The following PCDHGB7 variants were observed in gnomAD, a reference collection of about 807,000 sequenced individuals.
The protein encoded by PCDHGB7 is protocadherin gamma-B7.
PCDHGB7 carries 37 observed loss-of-function variants against 61.4 expected under a neutral mutation model. The observed-to-expected ratio is 0.60, with a 90% CI of 0.46 to 0.79. PCDHGB7 has a LOEUF of 0.79. Among genes scored for constraint, PCDHGB7 ranks in the 30% least tolerant of loss-of-function variants. The pLI is 0.00. For synonymous variants in PCDHGB7, 464 were observed against 503.5 expected (o/e 0.92, Z 1.05); for missense variants, 1,166 against 1,202.5 (o/e 0.97, Z 0.45).
intron 1 of PCDHGB7, among the ~76,000 whole-genome samples, chr5:141,458,063 G>A (rs1011861177): frequency 1.3e-5 from 2 of 152,190 alleles, no homozygotes; most frequent in African/African-American, 4.8e-5. Context: ...CTGCACTGAT[G>A]CGAACAACTA....
At chr5:141,438,548 C>T (rs1423036586) in intron 1 of PCDHGB7, among the ~76,000 whole-genome samples, 2 of 135,792 alleles carry the variant, frequency 1.5e-5, no homozygotes, top group Non-Finnish European at 3.1e-5. Context: ...ATATCTAAGC[C>T]CTAATAAGAG....
At chr5:141,435,510 T>C (rs72790047) in intron 1 of PCDHGB7, among the ~76,000 whole-genome samples, 9,714 of 152,280 alleles carry the variant, frequency 0.064, 363 homozygotes, top group African/African-American at 0.099. Context: ...ATGATACTAA[T>C]GATGACTTTG....
chr5:141,456,312 GCTC>G (rs2098849548), intron 1 of PCDHGB7, among the ~76,000 whole-genome samples: 1 of 152,126 alleles, frequency 6.6e-6, no homozygotes, highest in Admixed American at 6.6e-5. Context: ...AGCAGCTAGG[GCTC>G]CTCCTGGGGT....
chr5:141,474,135 G>C (rs1032470573), intron 1 of PCDHGB7, among the ~76,000 whole-genome samples: 2 of 152,062 alleles, frequency 1.3e-5, no homozygotes, highest in Admixed American at 1.3e-4. Context: ...GAAAACTACA[G>C]GCCTTATTAT....
At position 141,485,348 on chromosome 5, in the gene PCDHGB7, C is replaced by A; in HGVS notation, c.2416-9459C>A. ...AGATTTCCTGCTGGATACGGACAGT[C>A]TGTCAGCTCGCAGGCTGCAGGTCGC... On this transcript the variant is annotated intron_variant, in intron 1 of 3. Coordinates refer to ENST00000398594, the MANE Select transcript of PCDHGB7 (RefSeq NM_018927.4). This position sits in a 1 kb window ranked among gnomAD's most constrained non-coding sequence, Gnocchi z 5.7. 6.2e-7 allele frequency: 1 copy of A among 1,614,146 alleles called. No individual in the cohort carries two copies. Among genetic ancestry groups the A allele is most frequent in the Non-Finnish European group, 8.5e-7 (1 of 1,180,008 alleles).
At chr5:141,509,908 G>A (rs376035312) in intron 3 of PCDHGB7, among the ~76,000 whole-genome samples, 1 of 152,164 alleles carries the variant, frequency 6.6e-6, no homozygotes, top group African/African-American at 2.4e-5. Flanking sequence ...TCCAGCATGC[G>A]CTTAGGTACA....
At chr5:141,481,913 CA>C (rs34114744) in intron 1 of PCDHGB7, among the ~76,000 whole-genome samples, 39,195 of 90,872 alleles carry the variant, frequency 0.43, 5,902 homozygotes, top group Admixed American at 0.51. Flanking sequence ...AACTCCATCT[CA>C]AAAAAAAAAA....
chr5:141,502,282 C>A (rs187281689), intron 2 of PCDHGB7, among the ~76,000 whole-genome samples: 1 of 151,848 alleles, frequency 6.6e-6, no homozygotes, highest in Non-Finnish European at 1.5e-5. Flanking sequence ...GCATAGATTG[C>A]ATTTGGTTGT....
At chr5:141,421,508 A>G (rs780491148) in intron 1 of PCDHGB7, 1 of 1,614,046 alleles carries the variant, frequency 6.2e-7, no homozygotes, top group Non-Finnish European at 8.5e-7. Flanking sequence ...ATAGACCGGG[A>G]GGAGCTCTGT....
rs746913952 is a variant in PCDHGB7, at chr5:141,432,898, G to A, written c.2415+12624G>A. The A allele has an allele frequency of 1.2e-6, 2 of 1,614,174 alleles. No homozygotes were observed. Among genetic ancestry groups the A allele is most frequent in the South Asian group, 1.1e-5 (1 of 91,090 alleles). On this transcript the variant is annotated intron_variant, in intron 1 of 3. Transcript: ENST00000398594. This position sits in a 1 kb window ranked among gnomAD's most constrained non-coding sequence, Gnocchi z 6.0. ...TGGCCTTCGTCATCTTGCTGCTGGC[G>A]CTCAGGCTGCGGCGCTGGCACAAGT...
At chr5:141,438,621 T>C (rs1164140266) in intron 1 of PCDHGB7, among the ~76,000 whole-genome samples, 4 of 41,368 alleles carry the variant, frequency 9.7e-5, no homozygotes, top group Admixed American at 3.5e-4. Flanking sequence ...TATATATATA[T>C]ATATATATAT....
rs760575047 is a variant in PCDHGB7 at position 141,493,887 on chromosome 5, G to A, written c.2416-920G>A. Among the ~76,000 whole-genome samples the A allele has an allele frequency of 1.3e-5, 2 of 152,184 alleles. No individual in the cohort carries two copies. The highest frequency in any genetic ancestry group is 2.4e-5 in the African/African-American group (1 of 41,448). On this transcript the variant is annotated intron_variant, in intron 1 of 3. Coordinates refer to ENST00000398594, the MANE Select transcript of PCDHGB7 (RefSeq NM_018927.4). The surrounding 1 kb of genome is among the most constrained non-coding windows in gnomAD (Gnocchi z 4.3). Reference sequence around the variant, plus strand: ...AGAACCAGTGAGGAGGTGGCTCTAGGAGTGCTCCATGAGAGTGTGTGATGG... The same window carrying A: ...AGAACCAGTGAGGAGGTGGCTCTAGAAGTGCTCCATGAGAGTGTGTGATGG...
At position 141,474,586 on chromosome 5, in the gene PCDHGB7, A is replaced by T. The variant is rs149003643; in HGVS notation, c.2416-20221A>T. 7.1e-4 allele frequency among the ~76,000 whole-genome samples: 108 copies of T among 152,340 alleles called. No individual in the cohort carries two copies. The East Asian group carries it at 0.015, about 21-fold the overall frequency. The stretch of plus-strand genomic sequence containing the variant: ...TCAGAGATTAATTGAAGTGTTAAAG[A>T]CATGGAAATATAGGTCACATATGGC... On this transcript the variant is annotated intron_variant, in intron 1 of 3. Coordinates refer to ENST00000398594, the MANE Select transcript of PCDHGB7 (RefSeq NM_018927.4).
chr5:141,433,397 A>ATCTATCTATCTG (rs2097600396), intron 1 of PCDHGB7, among the ~76,000 whole-genome samples: 2 of 150,410 alleles, frequency 1.3e-5, no homozygotes, highest in African/African-American at 2.5e-5. Flanking sequence ...CTATCTATCT[A>ATCTATCTATCTG]TCTATCTATT....
At chr5:141,447,197 T>C (rs1249080495) in intron 1 of PCDHGB7, among the ~76,000 whole-genome samples, 7 of 152,188 alleles carry the variant, frequency 4.6e-5, no homozygotes, top group Admixed American at 4.6e-4. Context: ...TGGAGTGCAA[T>C]GGCTTGATCT....
In PCDHGB7 at chr5:141,431,819, A is replaced by C. The variant is rs2097420237; in HGVS notation, c.2415+11545A>C. On this transcript the variant is annotated intron_variant, in intron 1 of 3. Transcript: ENST00000398594. The surrounding 1 kb of genome is among the most constrained non-coding windows in gnomAD (Gnocchi z 4.8). ...AGAAGTGGTCCTCACCTCTCTCGCC[A>C]GCTCGGTTCCCGAAAACTCTCCCAG... 6.2e-7 allele frequency: 1 copy of C among 1,614,154 alleles called. No individual in the cohort carries two copies. Among genetic ancestry groups the C allele is most frequent in the Admixed American group, 1.7e-5 (1 of 60,018 alleles).
In PCDHGB7 at chr5:141,485,417, G is replaced by A. The variant is rs1340790133; in HGVS notation, c.2416-9390G>A. The A allele has an allele frequency of 1.2e-6, 2 of 1,614,166 alleles. No homozygotes were observed. Among genetic ancestry groups the A allele is most frequent in the Non-Finnish European group, 8.5e-7 (1 of 1,180,038 alleles). ...ACACTTCCGTGTGGATTTGGACAGCGGAGCCCTGCTCATCAAGAACCCAAT... is the reference window on the plus strand; with the variant it reads ...ACACTTCCGTGTGGATTTGGACAGCAGAGCCCTGCTCATCAAGAACCCAAT... On this transcript the variant is annotated intron_variant, in intron 1 of 3. Coordinates refer to ENST00000398594, the MANE Select transcript of PCDHGB7 (RefSeq NM_018927.4). The surrounding 1 kb of genome is among the most constrained non-coding windows in gnomAD (Gnocchi z 5.7).
intron 1 of PCDHGB7, chr5:141,433,023 A>C: frequency 6.2e-7 from 1 of 1,614,084 alleles, no homozygotes; most frequent in East Asian, 2.2e-5. Context: ...ACCTATTCCC[A>C]CGAGGTTTCC....
intron 1 of PCDHGB7, among the ~76,000 whole-genome samples, chr5:141,437,987 C>T (rs2097922147): frequency 1.3e-5 from 2 of 152,156 alleles, no homozygotes; most frequent in African/African-American, 2.4e-5. Flanking sequence ...GCACCCACCC[C>T]ACCTCAGCCT....
Sources: allele counts gnomAD v4.1 joint callset (sites outside exome capture counted in the v4.1 genomes callset), GRCh38; gene constraint gnomAD v4.1.1; non-coding constraint Gnocchi (gnomAD v3.1); transcripts MANE v1.5; gene names NCBI Gene and HGNC (gene_info 2026-07-23, HGNC 2026-07-21).